GPC5: variants seen among roughly 807,000 people sequenced by gnomAD.
The protein encoded by GPC5 is glypican-5.
A neutral mutation model predicts 53.9 loss-of-function variants in GPC5; 47 were observed. The observed-to-expected ratio is 0.87, with a 90% CI of 0.69 to 1.11. GPC5 has a LOEUF of 1.11. GPC5 is among the 50% of genes most tolerant of loss of function. The pLI is 0.00. For missense variants in GPC5, 748 were observed against 713.1 expected (o/e 1.05, Z -0.56); for synonymous variants, 286 against 263.3 (o/e 1.09, Z -0.84).
chr13:92,031,560 CT>C (rs1055442643), intron 6 of GPC5, among the ~76,000 whole-genome samples: 1 of 148,498 alleles, frequency 6.7e-6, no homozygotes, highest in Non-Finnish European at 1.5e-5. Context: ...TTCTTTCTTT[CT>C]TTTTTTATTA....
chr13:91,510,868 C>A (rs1440016090), intron 2 of GPC5, among the ~76,000 whole-genome samples: 1 of 151,948 alleles, frequency 6.6e-6, no homozygotes, highest in Non-Finnish European at 1.5e-5. Context: ...GTTATTAGTT[C>A]ATTTAATGTC....
At chr13:91,450,157 T>C (rs1881085069) in intron 2 of GPC5, among the ~76,000 whole-genome samples, 2 of 152,176 alleles carry the variant, frequency 1.3e-5, no homozygotes, top group African/African-American at 2.4e-5. Flanking sequence ...AAATGTCAGA[T>C]TTTAAGGTTT....
At chr13:91,608,035 T>C (rs2033429542) in intron 2 of GPC5, among the ~76,000 whole-genome samples, 1 of 152,204 alleles carries the variant, frequency 6.6e-6, no homozygotes, top group African/African-American at 2.4e-5. Flanking sequence ...ATGGAACATT[T>C]TCATATTATT....
intron 1 of GPC5, among the ~76,000 whole-genome samples, chr13:91,443,689 C>T (rs1216773513): frequency 6.6e-6 from 1 of 152,132 alleles, no homozygotes; most frequent in Non-Finnish European, 1.5e-5. Context: ...GACCATAATC[C>T]AAGCATGAGG....
At chr13:91,678,571 C>T (rs561966463) in intron 2 of GPC5, among the ~76,000 whole-genome samples, 1 of 152,098 alleles carries the variant, frequency 6.6e-6, no homozygotes, top group Admixed American at 6.5e-5. Context: ...TTTAAAAACT[C>T]CACCAAAATG....
chr13:92,786,865 A>G (rs1876252808), intron 7 of GPC5, among the ~76,000 whole-genome samples: 1 of 152,096 alleles, frequency 6.6e-6, no homozygotes, highest in Admixed American at 6.6e-5. Context: ...GGACATGGAG[A>G]ATGGAGGGAG....
intron 6 of GPC5, among the ~76,000 whole-genome samples, chr13:92,038,383 GGT>G (rs1270286260): frequency 1.3e-5 from 1 of 76,518 alleles, no homozygotes; most frequent in African/African-American, 5.5e-5. Flanking sequence ...TAGATAGATA[GGT>G]AGATAGATAG....
At chr13:91,583,269 C>G (rs1256137862) in intron 2 of GPC5, among the ~76,000 whole-genome samples, 1 of 152,066 alleles carries the variant, frequency 6.6e-6, no homozygotes, top group Non-Finnish European at 1.5e-5. Flanking sequence ...ACAAACAAAA[C>G]TATTATTCAC....
At position 91,415,601 on chromosome 13, in the gene GPC5, C is replaced by T. The variant is rs116529322; in HGVS notation, c.163+16392C>T. Among the ~76,000 whole-genome samples the T allele has an allele frequency of 2.7e-3, 415 of 152,250 alleles. 2 individuals are homozygous for T. The highest frequency in any genetic ancestry group is 9.7e-3 in the African/African-American group (402 of 41,544). On this transcript the variant is annotated intron_variant, in intron 1 of 7. Coordinates refer to ENST00000377067, the MANE Select transcript of GPC5 (RefSeq NM_004466.6). Reference sequence around the variant, plus strand: ...TATAATTTCCTTCCTTCTCTTCCCCCATTCTTGTCTGACCAATCTGAGTTC... The same window carrying T: ...TATAATTTCCTTCCTTCTCTTCCCCTATTCTTGTCTGACCAATCTGAGTTC...
At chr13:91,884,746 G>A (rs372144622) in intron 5 of GPC5, among the ~76,000 whole-genome samples, 7 of 152,168 alleles carry the variant, frequency 4.6e-5, no homozygotes, top group Non-Finnish European at 8.8e-5. Flanking sequence ...ACTAGGAACC[G>A]TCAAGTTAGA....
chr13:91,789,103 C>T (rs1477313716), intron 5 of GPC5, among the ~76,000 whole-genome samples: 1 of 152,130 alleles, frequency 6.6e-6, no homozygotes, highest in East Asian at 1.9e-4. Context: ...CTCCCAGCTA[C>T]TCAGGAGACT....
chr13:92,612,219 C>T (rs1332165533), intron 7 of GPC5, among the ~76,000 whole-genome samples: 1 of 152,030 alleles, frequency 6.6e-6, no homozygotes, highest in Non-Finnish European at 1.5e-5. Context: ...GCGATTATTA[C>T]CTAATTTCAA....
At chr13:91,469,439 T>A (rs989577996) in intron 2 of GPC5, among the ~76,000 whole-genome samples, 1 of 151,826 alleles carries the variant, frequency 6.6e-6, no homozygotes, top group Non-Finnish European at 1.5e-5. Context: ...TTCTCTTTTT[T>A]TTTGGGTAAA....
At chr13:92,049,482 C>T (rs1382745591) in intron 6 of GPC5, among the ~76,000 whole-genome samples, 1 of 151,926 alleles carries the variant, frequency 6.6e-6, no homozygotes, top group Non-Finnish European at 1.5e-5. Flanking sequence ...AAAAAGACAC[C>T]AGGAAAGCAG....
intron 6 of GPC5, among the ~76,000 whole-genome samples, chr13:92,031,243 A>T (rs1430301973): frequency 3.9e-5 from 6 of 152,032 alleles, no homozygotes; most frequent in Non-Finnish European, 8.8e-5. Flanking sequence ...TCTCTCCTTG[A>T]GGTATCTTAT....
chr13:92,639,642 A>C (rs1284294152), intron 7 of GPC5, among the ~76,000 whole-genome samples: 1 of 152,130 alleles, frequency 6.6e-6, no homozygotes, highest in Non-Finnish European at 1.5e-5. Context: ...GCATTCTTAA[A>C]CCATTTATTC....
At chr13:92,340,568 A>G (rs1043534278) in intron 7 of GPC5, 2 of 152,130 alleles carry the variant, frequency 1.3e-5, no homozygotes, top group Non-Finnish European at 2.9e-5. Context: ...TTACAAAATG[A>G]AAATAGTCTT....
chr13:92,271,038 G>A (rs568063113), intron 7 of GPC5, among the ~76,000 whole-genome samples: 2 of 152,278 alleles, frequency 1.3e-5, no homozygotes, highest in South Asian at 4.1e-4. Flanking sequence ...GAGGTCTACT[G>A]GGAGTTTGGG....
chr13:91,564,357 A>G (rs908674940), intron 2 of GPC5, among the ~76,000 whole-genome samples: 6 of 152,150 alleles, frequency 3.9e-5, no homozygotes, highest in African/African-American at 1.4e-4. Context: ...ATCTTAATCA[A>G]TTCAGCCCTT....
Sources: allele counts gnomAD v4.1 joint callset (sites outside exome capture counted in the v4.1 genomes callset), GRCh38; gene constraint gnomAD v4.1.1; transcripts MANE v1.5; gene names NCBI Gene and HGNC (gene_info 2026-07-23, HGNC 2026-07-21).